The following STPG2 variants were observed in gnomAD, a reference collection of about 807,000 sequenced individuals.
STPG2 encodes sperm tail PG-rich repeat containing 2, also known as sperm-tail PG-rich repeat-containing protein 2.
A neutral mutation model predicts 54.2 loss-of-function variants in STPG2; 56 were observed. The observed-to-expected ratio is 1.03, with a 90% CI of 0.83 to 1.29. The LOEUF is 1.29. Among genes scored for constraint, STPG2 ranks in the 50% most tolerant of loss-of-function variants. The probability of loss-of-function intolerance (pLI) is 0.00; values close to 1 mark genes in which losing one functional copy is unlikely to be tolerated. For synonymous variants in STPG2, 200 were observed against 181.8 expected, an observed-to-expected ratio of 1.10 and a Z score of -0.81; for missense variants, 596 against 544.9, an observed-to-expected ratio of 1.09 and a Z score of -0.93.
chr4:97,839,955 T>C (rs1294909327), intron 9 of STPG2, among the ~76,000 whole-genome samples: 1 of 151,648 alleles, frequency 6.6e-6, no homozygotes, highest in Non-Finnish European at 1.5e-5. Context: ...TAATTTATTG[T>C]TGAAAATGAT....
At chr4:98,045,801 T>A (rs1049220622) in intron 5 of STPG2, among the ~76,000 whole-genome samples, 10 of 152,198 alleles carry the variant, frequency 6.6e-5, no homozygotes, top group Non-Finnish European at 1.5e-4. Flanking sequence ...TTCAAAATTC[T>A]CTAGCATTTG....
At chr4:97,564,960 C>T (rs1033854515) in intron 10 of STPG2, among the ~76,000 whole-genome samples, 3 of 152,092 alleles carry the variant, frequency 2.0e-5, no homozygotes, top group African/African-American at 7.2e-5. Flanking sequence ...CTCTGTATTT[C>T]CTGAATCTGA....
At chr4:98,032,206 C>G (rs1251489351) in intron 5 of STPG2, among the ~76,000 whole-genome samples, 1 of 152,072 alleles carries the variant, frequency 6.6e-6, no homozygotes, top group Non-Finnish European at 1.5e-5. Flanking sequence ...CCAGCAATCC[C>G]ATTATTGGTA....
At chr4:97,616,057 AATATATATATATATATATATATATAT>A (rs70953077) in intron 10 of STPG2, among the ~76,000 whole-genome samples, 1 of 37,392 alleles carries the variant, frequency 2.7e-5, no homozygotes, top group Admixed American at 5.3e-4. Context: ...AATACATATA[AATATATATATATATATATATATATAT>A]ATATATATAT....
intron 5 of STPG2, among the ~76,000 whole-genome samples, chr4:98,071,560 A>T (rs963358014): frequency 6.6e-6 from 1 of 152,232 alleles, no homozygotes; most frequent in Non-Finnish European, 1.5e-5. Context: ...AAAAATTGAC[A>T]AGTGGGATCT....
At position 98,056,376 on chromosome 4, in the gene STPG2, C is replaced by A. The variant is rs189333843; in HGVS notation, c.612+49577G>T. On this transcript the variant is annotated intron_variant, in intron 5 of 10. Coordinates refer to ENST00000295268, the MANE Select transcript of STPG2 (RefSeq NM_174952.3). ...TCCCCGCCAGCTGCCAGGCCTCCAC[C>A]ACTGTGGTGAATGCCCACGAGGAAG... Among the ~76,000 whole-genome samples the A allele has an allele frequency of 6.5e-3, 993 of 152,276 alleles. 7 individuals are homozygous for A. Among genetic ancestry groups the A allele is most frequent in the Non-Finnish European group, 0.01 (714 of 68,028 alleles).
chr4:97,575,795 C>T (rs1418864385), intron 10 of STPG2, among the ~76,000 whole-genome samples: 1 of 152,074 alleles, frequency 6.6e-6, no homozygotes, highest in East Asian at 1.9e-4. Flanking sequence ...AAATAAAAGG[C>T]ATTTAAACAG....
intron 8 of STPG2, among the ~76,000 whole-genome samples, chr4:97,847,976 C>T (rs112954205): frequency 0.012 from 1,889 of 152,328 alleles, 35 homozygotes; most frequent in African/African-American, 0.043. Context: ...GTACTAACTG[C>T]TTATTTTAGC....
At chr4:98,051,398 T>G (rs1578814385) in intron 5 of STPG2, among the ~76,000 whole-genome samples, 6 of 152,154 alleles carry the variant, frequency 3.9e-5, no homozygotes, top group Admixed American at 3.9e-4. Flanking sequence ...ATCCCCACAT[T>G]CATATGTTGA....
At chr4:97,549,185 T>C (rs1402705605) in intron 4 of STPG2, among the ~76,000 whole-genome samples, 1 of 152,182 alleles carries the variant, frequency 6.6e-6, no homozygotes, top group Admixed American at 6.5e-5. Context: ...CAGCTTAATC[T>C]CAATGTCTCC....
chr4:97,979,697 G>A (rs1203641990), intron 6 of STPG2, among the ~76,000 whole-genome samples: 1 of 151,462 alleles, frequency 6.6e-6, no homozygotes, highest in Non-Finnish European at 1.5e-5. Flanking sequence ...ACCAGCCTGG[G>A]CAACGAAATG....
At chr4:97,671,464 C>T (rs748141349) in intron 10 of STPG2, among the ~76,000 whole-genome samples, 13 of 152,138 alleles carry the variant, frequency 8.5e-5, no homozygotes, top group African/African-American at 2.2e-4. Context: ...AACAATAATG[C>T]CTTTTAGCAA....
At chr4:97,453,017 G>A (rs923994022) in intron 4 of STPG2, among the ~76,000 whole-genome samples, 6 of 152,186 alleles carry the variant, frequency 3.9e-5, no homozygotes, top group Admixed American at 1.3e-4. Context: ...AGTTAAAAGA[G>A]CTAGAACACA....
rs1307784972 is a variant in STPG2, at chr4:97,935,515, C to A, written c.1044+8382G>T. 3.9e-5 allele frequency among the ~76,000 whole-genome samples: 6 copies of A among 152,194 alleles called. No homozygotes were observed. The East Asian group carries it at 7.7e-4, about 20-fold the overall frequency. The stretch of plus-strand genomic sequence containing the variant: ...TCTTTCTAGCTTTCTGATGTGGGCA[C>A]TTAGTGCTAGAAGTTTCCCTCTTAA... On this transcript the variant is annotated intron_variant, in intron 8 of 10. Transcript: ENST00000295268.
intron 4 of STPG2, among the ~76,000 whole-genome samples, chr4:97,486,856 T>C (rs868427613): frequency 8.5e-6 from 1 of 117,056 alleles, no homozygotes; most frequent in Admixed American, 8.1e-5. Context: ...TATGTATGTA[T>C]ACAAACACAC....
At chr4:97,808,463 T>C (rs1161948618) in intron 9 of STPG2, among the ~76,000 whole-genome samples, 1 of 151,762 alleles carries the variant, frequency 6.6e-6, no homozygotes. Context: ...TAAAACAGTA[T>C]AATTTCCAAG....
At chr4:97,783,162 A>G (rs1291133198) in intron 9 of STPG2, among the ~76,000 whole-genome samples, 1 of 152,190 alleles carries the variant, frequency 6.6e-6, no homozygotes, top group African/African-American at 2.4e-5. Flanking sequence ...AATGGGAGAA[A>G]ATTTTTGCAA....
At chr4:97,678,342 G>A (rs1051635840) in intron 10 of STPG2, among the ~76,000 whole-genome samples, 2 of 151,686 alleles carry the variant, frequency 1.3e-5, no homozygotes, top group African/African-American at 2.4e-5. Context: ...CACTTAGTAA[G>A]AATAAAATTA....
intron 8 of STPG2, among the ~76,000 whole-genome samples, chr4:97,906,356 A>T (rs1425420143): frequency 6.6e-6 from 1 of 152,232 alleles, no homozygotes; most frequent in Non-Finnish European, 1.5e-5. Flanking sequence ...AAAGGATCTG[A>T]AATTGTGGCA....
Sources: allele counts gnomAD v4.1 joint callset (sites outside exome capture counted in the v4.1 genomes callset), GRCh38; gene constraint gnomAD v4.1.1; transcripts MANE v1.5; gene names NCBI Gene and HGNC (gene_info 2026-07-23, HGNC 2026-07-21).